Variants in CEP83 observed in about 807,000 individuals in gnomAD.
CEP83 encodes the protein centrosomal protein of 83 kDa.
A neutral mutation model predicts 101.9 loss-of-function variants in CEP83; 70 were observed. The ratio of observed to expected loss-of-function variants is 0.69; its 90% CI spans 0.57 to 0.84. CEP83 has a LOEUF of 0.84. CEP83 is among the 40% of genes least tolerant of loss of function. CEP83 has a pLI of 0.00. For missense variants in CEP83, 715 were observed against 787.2 expected (o/e 0.91, Z 1.10); for synonymous variants, 264 against 267.9 (o/e 0.99, Z 0.14).
chr12:94,455,813 G>A (rs148734188), intron 1 of CEP83, among the ~76,000 whole-genome samples: 2 of 152,286 alleles, frequency 1.3e-5, no homozygotes, highest in African/African-American at 4.8e-5. Context: ...GGGAGGCCAA[G>A]GTGGGTGAAT....
At chr12:94,304,042 T>G, downstream of CEP83, 1 of 1,533,050 alleles carries the variant, frequency 6.5e-7, no homozygotes, top group Non-Finnish European at 9.0e-7. Flanking sequence ...TCGTAAAATA[T>G]TTTGATGAGG....
chr12:94,438,195 G>T (rs1040612033), intron 1 of CEP83, among the ~76,000 whole-genome samples: 4 of 151,504 alleles, frequency 2.6e-5, no homozygotes, highest in Non-Finnish European at 5.9e-5. Flanking sequence ...CTCTAGCCTG[G>T]GTGACTGAGT....
At chr12:94,274,155 T>TAAAAAAAAAAAAAAAAAAAAAAAAAA in the CEP83 span, among the ~76,000 whole-genome samples, 1 of 45,370 alleles carries the variant, frequency 2.2e-5, no homozygotes, top group African/African-American at 1.2e-4. Context: ...ACCCTGTCTC[T>TAAAAAAAAAAAAAAAAAAAAAAAAAA]AAAAAAAAAA....
chr12:94,316,857 T>C (rs1970782564), intron 14 of CEP83, among the ~76,000 whole-genome samples: 1 of 152,202 alleles, frequency 6.6e-6, no homozygotes, highest in Non-Finnish European at 1.5e-5. Flanking sequence ...TCCATGTCTT[T>C]GCTATTGTGA....
intron 2 of CEP83, among the ~76,000 whole-genome samples, chr12:94,421,069 C>G (rs1206361401): frequency 6.6e-6 from 1 of 151,936 alleles, no homozygotes. Context: ...TTGAGACATT[C>G]TCATTCTGTC....
At chr12:94,389,754 C>T (rs1215785903) in intron 6 of CEP83, among the ~76,000 whole-genome samples, 4 of 152,208 alleles carry the variant, frequency 2.6e-5, no homozygotes, top group Non-Finnish European at 2.9e-5. Flanking sequence ...AAAAACAGGA[C>T]ACTCCTGCCC....
chr12:94,405,283 T>C (rs1378641398), intron 4 of CEP83, among the ~76,000 whole-genome samples: 1 of 152,228 alleles, frequency 6.6e-6, no homozygotes, highest in Non-Finnish European at 1.5e-5. Flanking sequence ...AAGGTATTAA[T>C]GAATAAGTAT....
At chr12:94,330,071 C>G (rs2059137807) in intron 14 of CEP83, among the ~76,000 whole-genome samples, 1 of 152,176 alleles carries the variant, frequency 6.6e-6, no homozygotes, top group Admixed American at 6.5e-5. Context: ...TTCAGAATAA[C>G]TGAACGATCT....
At chr12:94,399,833 GT>G (rs531851224) in intron 6 of CEP83, among the ~76,000 whole-genome samples, 5 of 151,908 alleles carry the variant, frequency 3.3e-5, no homozygotes. Context: ...GCTATAAAGA[GT>G]TTTTTTTAAT....
intron 14 of CEP83, among the ~76,000 whole-genome samples, chr12:94,318,981 G>A (rs1971164743): frequency 6.6e-6 from 1 of 152,170 alleles, no homozygotes; most frequent in African/African-American, 2.4e-5. Flanking sequence ...TTCAGGAGAA[G>A]CAGTACCAGC....
At chr12:94,314,927 T>C (rs7966824) in intron 14 of CEP83, among the ~76,000 whole-genome samples, 15,516 of 152,308 alleles carry the variant, frequency 0.1, 914 homozygotes, top group Admixed American at 0.15. Flanking sequence ...CATGGTTATG[T>C]ATTGTCACAG....
chr12:94,374,211 C>G (rs1391207410), intron 8 of CEP83, among the ~76,000 whole-genome samples: 1 of 152,038 alleles, frequency 6.6e-6, no homozygotes. Context: ...TCAGGGTCAG[C>G]ACACAGGTGA....
At chr12:94,298,087 C>T in the CEP83 span, among the ~76,000 whole-genome samples, 1 of 152,132 alleles carries the variant, frequency 6.6e-6, no homozygotes, top group Non-Finnish European at 1.5e-5. Flanking sequence ...CTGCTTAGAG[C>T]TTAGGAGATT....
intron 14 of CEP83, among the ~76,000 whole-genome samples, chr12:94,315,708 C>A (rs1970576601): frequency 1.3e-5 from 2 of 150,066 alleles, no homozygotes; most frequent in Non-Finnish European, 3.0e-5. Context: ...TTTTTTTTTA[C>A]CTATCACACT....
At chr12:94,300,423 T>C in the CEP83 span, among the ~76,000 whole-genome samples, 1 of 151,904 alleles carries the variant, frequency 6.6e-6, no homozygotes, top group Non-Finnish European at 1.5e-5. Flanking sequence ...TTGGCCCATA[T>C]GAAAAATAGC....
At chr12:94,289,327 C>G in the CEP83 span, among the ~76,000 whole-genome samples, 1 of 152,108 alleles carries the variant, frequency 6.6e-6, no homozygotes, top group Admixed American at 6.6e-5. Context: ...TGGGGTGGCC[C>G]CAATTCCCCT....
intron 14 of CEP83, among the ~76,000 whole-genome samples, chr12:94,320,867 G>A (rs2058716917): frequency 6.6e-6 from 1 of 152,106 alleles, no homozygotes; most frequent in African/African-American, 2.4e-5. Flanking sequence ...TATGTGTCTT[G>A]GGGATTATCT....
At chr12:94,409,201 G>A (rs2063730584) in intron 4 of CEP83, among the ~76,000 whole-genome samples, 1 of 151,820 alleles carries the variant, frequency 6.6e-6, no homozygotes, top group Non-Finnish European at 1.5e-5. Context: ...TAGCTAAATT[G>A]CTTCAAAATG....
chr12:94,368,225 T>C, intron 9 of CEP83, 24 bp from the exon 10 acceptor site: 1 of 1,582,070 alleles, frequency 6.3e-7, no homozygotes, highest in Admixed American at 1.7e-5. Flanking sequence ...AGGAGAAAAG[T>C]GTACTATATT....
Sources: gnomAD v4.1 joint callset for allele counts (sites outside exome capture counted in the v4.1 genomes callset) on GRCh38, gnomAD v4.1.1 for gene constraint, MANE v1.5 for transcripts, NCBI Gene and HGNC (gene_info 2026-07-23, HGNC 2026-07-21) for gene names.